The following EFCAB8 variants were observed in gnomAD, a reference collection of about 807,000 sequenced individuals.
EFCAB8 encodes EF-hand calcium-binding domain-containing protein 8.
Under a neutral mutation model 116.3 loss-of-function variants are expected in EFCAB8, and 100 were observed. That is an observed-to-expected ratio of 0.86 (90% confidence interval 0.73 to 1.02). EFCAB8 has a LOEUF of 1.02. Ranked by LOEUF, EFCAB8 falls within the 50% of genes least tolerant of loss-of-function variation. EFCAB8 has a pLI of 0.00. For missense variants in EFCAB8, 1,320 were observed against 1,416.9 expected, an observed-to-expected ratio of 0.93 and a Z score of 1.10; for synonymous variants, 558 against 567.9, an observed-to-expected ratio of 0.98 and a Z score of 0.25.
At chr20:32,875,502 G>GTTTTTTTTTATTTTTTTTT (rs1984917144) in intron 3 of EFCAB8, among the ~76,000 whole-genome samples, 1 of 89,890 alleles carries the variant, frequency 1.1e-5, no homozygotes, top group African/African-American at 3.4e-5. Context: ...AAACATGGTG[G>GTTTTTTTTTATTTTTTTTT]TTTTTTTTTT....
At chr20:32,926,489 A>G (rs55901614) in intron 20 of EFCAB8, among the ~76,000 whole-genome samples, 18 of 148,544 alleles carry the variant, frequency 1.2e-4, no homozygotes, top group Middle Eastern at 3.4e-3. Flanking sequence ...CTCTCAGCAC[A>G]TAATAATCTA....
At chr20:32,870,131 G>A (rs1198549923) in intron 3 of EFCAB8, among the ~76,000 whole-genome samples, 1 of 152,218 alleles carries the variant, frequency 6.6e-6, no homozygotes, top group Non-Finnish European at 1.5e-5. Flanking sequence ...GGCAGGAAAG[G>A]ATAAGAAATC....
chr20:32,861,113 T>A (rs1984092366), intron 1 of EFCAB8, among the ~76,000 whole-genome samples: 1 of 152,188 alleles, frequency 6.6e-6, no homozygotes, highest in South Asian at 2.1e-4. Context: ...CTTCTGATGT[T>A]TGGGTGACGT....
Position 32,934,454 on chromosome 20 carries a change from T to C in EFCAB8, c.2790+3118T>C, listed in dbSNP as rs544013142. Among the ~76,000 whole-genome samples the C allele has an allele frequency of 1.5e-3, 227 of 152,338 alleles. 1 individual carries two copies. Among genetic ancestry groups the C allele is most frequent in the African/African-American group, 5.1e-3 (210 of 41,578 alleles). On this transcript the variant is annotated intron_variant, in intron 22 of 26. Coordinates refer to ENST00000400522, the MANE Select transcript of EFCAB8 (RefSeq NM_001143967.2). ...TCTTTGACATATTGATATGACATAT[T>C]GATCTCTTTTGGATATATACCCAGA...
intron 7 of EFCAB8, among the ~76,000 whole-genome samples, chr20:32,890,891 G>A (rs1386918408): frequency 6.6e-6 from 1 of 152,228 alleles, no homozygotes; most frequent in Non-Finnish European, 1.5e-5. Flanking sequence ...CTGGCATAGT[G>A]CCTGGCACAT....
chr20:32,869,749 T>C (rs778193232), intron 3 of EFCAB8, among the ~76,000 whole-genome samples: 1 of 152,224 alleles, frequency 6.6e-6, no homozygotes, highest in East Asian at 1.9e-4. Context: ...TGTTTTCATA[T>C]GTCTTTAATC....
chr20:32,906,901 C>G lies in EFCAB8; in HGVS notation c.1215C>G (p.Pro405=), dbSNP rs763940183. The G allele has an allele frequency of 6.4e-7, 1 of 1,551,254 alleles. No homozygotes were observed. Among genetic ancestry groups the G allele is most frequent in the South Asian group, 1.2e-5 (1 of 84,028 alleles). The stretch of plus-strand genomic sequence containing the variant: ...GGAACCCCTTTGTCTCAAAGAGGCC[C>G]GTGTGGCTGATGAAGGGACACCAGA... The part of the protein sequence containing the change: ...RLWNPFVSKR[P]VWLMKGHQTS... The change falls in exon 13 of 27, where the codon CCC becomes CCG. Residue 405 remains proline, a synonymous_variant. Transcript: ENST00000400522.
At chr20:32,912,000 A>G (rs114176944) in intron 16 of EFCAB8, among the ~76,000 whole-genome samples, 1,892 of 152,290 alleles carry the variant, frequency 0.012, 40 homozygotes, top group African/African-American at 0.044. Context: ...TAGCAGTGGG[A>G]TCAGTTAATT....
At chr20:32,940,616 A>G (rs1863131312) in intron 22 of EFCAB8, among the ~76,000 whole-genome samples, 1 of 150,030 alleles carries the variant, frequency 6.7e-6, no homozygotes, top group Non-Finnish European at 1.5e-5. Flanking sequence ...TGCAAAGGAT[A>G]CCGTCAAGAA....
chr20:32,917,555 C>T (rs1341020202), intron 18 of EFCAB8, 50 bp downstream of exon 18: 1 of 1,513,958 alleles, frequency 6.6e-7, no homozygotes, highest in South Asian at 1.2e-5. Context: ...CAGCTGTGAA[C>T]CAGAATCCTG....
At chr20:32,860,486 G>A (rs1156594657) in intron 1 of EFCAB8, among the ~76,000 whole-genome samples, 1 of 142,056 alleles carries the variant, frequency 7.0e-6, no homozygotes, top group African/African-American at 2.7e-5. Flanking sequence ...ATCGCTGATG[G>A]TGGTAACTTT....
intron 4 of EFCAB8, 138 bp from the exon 5 acceptor site, chr20:32,878,566 G>T: frequency 2.0e-6 from 1 of 500,546 alleles, no homozygotes; most frequent in East Asian, 3.6e-5. Context: ...GTCGGACTGC[G>T]GACTGCAGTG....
intron 20 of EFCAB8, among the ~76,000 whole-genome samples, chr20:32,926,032 C>T (rs181678537): frequency 5.9e-5 from 9 of 152,348 alleles, no homozygotes; most frequent in South Asian, 2.1e-4. Context: ...CTGTGAGCAC[C>T]GGATGCTGGC....
At chr20:32,954,342 C>T (rs1344099326) in intron 23 of EFCAB8, among the ~76,000 whole-genome samples, 2 of 152,108 alleles carry the variant, frequency 1.3e-5, no homozygotes, top group African/African-American at 4.8e-5. Flanking sequence ...TACTCTTTTG[C>T]ATGTGGCAAT....
chr20:32,954,231 A>G (rs765708969), intron 23 of EFCAB8, among the ~76,000 whole-genome samples: 15 of 152,080 alleles, frequency 9.9e-5, no homozygotes, highest in Non-Finnish European at 1.9e-4. Context: ...CTTTTCCTCC[A>G]TATTTTTTCT....
intron 7 of EFCAB8, among the ~76,000 whole-genome samples, chr20:32,891,398 A>T (rs1985905887): frequency 6.6e-6 from 1 of 152,078 alleles, no homozygotes; most frequent in African/African-American, 2.4e-5. Context: ...TTGTATTTTT[A>T]GTAGAGATGG....
At position 32,960,063 on chromosome 20, in the gene EFCAB8, G is replaced by GAGCATTCT; in HGVS notation, c.3295_3296insAGCATTCT (p.Val1099GlufsTer4). The GAGCATTCT allele has an allele frequency of 6.4e-7, 1 of 1,551,732 alleles. No individual in the cohort carries two copies. Among genetic ancestry groups the GAGCATTCT allele is most frequent in the Non-Finnish European group, 8.7e-7 (1 of 1,147,000 alleles). ...TCATTCTTGGGCGTGGCTCCTGCAG[G>GAGCATTCT]TGAGCAAAGTCTTGGGAGCGGCGTA... On this transcript the variant is annotated frameshift_variant and splice_region_variant, in exon 26 of 27. Transcript: ENST00000400522. LOFTEE classifies it high-confidence loss of function.
At chr20:32,939,423 C>T (rs1348520804) in intron 22 of EFCAB8, among the ~76,000 whole-genome samples, 6 of 146,398 alleles carry the variant, frequency 4.1e-5, no homozygotes, top group African/African-American at 1.5e-4. Flanking sequence ...GCTGGGACTA[C>T]AGGCATGTGC....
intron 4 of EFCAB8, among the ~76,000 whole-genome samples, chr20:32,876,413 C>G (rs1347419971): frequency 6.6e-6 from 1 of 152,164 alleles, no homozygotes; most frequent in South Asian, 2.1e-4. Context: ...AATAGGCCAG[C>G]CTGTGGCTGT....
Sources: gnomAD v4.1 joint callset for allele counts (sites outside exome capture counted in the v4.1 genomes callset) on GRCh38, gnomAD v4.1.1 for gene constraint, MANE v1.5 for transcripts, NCBI Gene and HGNC (gene_info 2026-07-23, HGNC 2026-07-21) for gene names.